The following GRIK4 variants were observed in gnomAD, a reference collection of about 807,000 sequenced individuals.
GRIK4 encodes the protein glutamate ionotropic receptor kainate type subunit 4, also known as glutamate receptor ionotropic, kainate 4.
GRIK4 carries 40 observed loss-of-function variants against 104.9 expected under a neutral mutation model. That is an observed-to-expected ratio of 0.38 (90% confidence interval 0.30 to 0.50). The LOEUF (loss-of-function observed/expected upper bound fraction) is 0.50. GRIK4 is among the 20% of genes least tolerant of loss of function. The pLI is 0.93. For synonymous variants in GRIK4, 485 were observed against 524.9 expected (o/e 0.92, Z 1.04); for missense variants, 1,047 against 1,308.1 (o/e 0.80, Z 3.08).
At chr11:120,634,755 A>G (rs1949376753) in intron 1 of GRIK4, among the ~76,000 whole-genome samples, 2 of 152,136 alleles carry the variant, frequency 1.3e-5, no homozygotes, top group African/African-American at 4.8e-5. Flanking sequence ...GGAGTTCTCA[A>G]GAGACCCTCG....
Position 120,832,048 on chromosome 11 carries a change from T to C in GRIK4, c.690+18T>C, listed in dbSNP as rs1193349010. On this transcript the variant is annotated intron_variant, in intron 7 of 20. Transcript: ENST00000527524. ...TCCTGAAGGTGGGAGCCTCCCTCTCTCCCCCACCCCCTGCTGAGCTCCACC... is the reference window on the plus strand; with the variant it reads ...TCCTGAAGGTGGGAGCCTCCCTCTCCCCCCCACCCCCTGCTGAGCTCCACC... 1 of 1,569,506 alleles carries C rather than the reference T, an allele frequency of 6.4e-7. No homozygotes were observed. The highest frequency in any genetic ancestry group is 1.2e-5 in the South Asian group (1 of 86,942).
chr11:120,619,902 A>T, intron 1 of GRIK4: 3 of 276,098 alleles, frequency 1.1e-5, no homozygotes, highest in African/African-American at 2.2e-5. Context: ...TACTGAAAAG[A>T]GTTAACAGTG....
At chr11:120,516,977 G>A (rs1429840196) in intron 1 of GRIK4, among the ~76,000 whole-genome samples, 5 of 128,690 alleles carry the variant, frequency 3.9e-5, no homozygotes, top group South Asian at 2.5e-4. Context: ...GGCCTGGGGC[G>A]CGTGCTGCCG....
At chr11:120,924,921 G>T (rs1420659551) in intron 13 of GRIK4, among the ~76,000 whole-genome samples, 2 of 152,210 alleles carry the variant, frequency 1.3e-5, no homozygotes, top group African/African-American at 4.8e-5. Context: ...ATGCCCTGCT[G>T]CCCTTTGCAG....
intron 3 of GRIK4, among the ~76,000 whole-genome samples, chr11:120,674,519 A>G (rs945334011): frequency 2.0e-5 from 3 of 152,238 alleles, no homozygotes; most frequent in African/African-American, 7.2e-5. Context: ...AAATCACTGC[A>G]TTGAAGGGCC....
chr11:120,817,858 T>C (rs112416755), intron 5 of GRIK4, among the ~76,000 whole-genome samples: 55 of 152,272 alleles, frequency 3.6e-4, no homozygotes, highest in African/African-American at 1.3e-3. Context: ...CGGGAGCTCC[T>C]ACATTTGGGG....
chr11:120,980,646 G>C (rs1479750689), intron 19 of GRIK4, among the ~76,000 whole-genome samples: 2 of 152,156 alleles, frequency 1.3e-5, no homozygotes, highest in African/African-American at 4.8e-5. Flanking sequence ...CCCCTGGAAG[G>C]TAGAATTGAG....
chr11:120,772,117 A>G (rs1951955168), intron 3 of GRIK4, among the ~76,000 whole-genome samples: 1 of 152,222 alleles, frequency 6.6e-6, no homozygotes, highest in Non-Finnish European at 1.5e-5. Context: ...CCTCTGCCCC[A>G]GTGTGTCTAG....
chr11:120,798,171 T>TC (rs1387375927), intron 3 of GRIK4, among the ~76,000 whole-genome samples: 2 of 142,008 alleles, frequency 1.4e-5, no homozygotes, highest in Admixed American at 1.4e-4. Context: ...TTTTTTTTTT[T>TC]TTTTTTTTTT....
intron 1 of GRIK4, among the ~76,000 whole-genome samples, chr11:120,556,020 G>T (rs1948182269): frequency 6.6e-6 from 1 of 152,176 alleles, no homozygotes; most frequent in Non-Finnish European, 1.5e-5. Context: ...GCATTTTCAG[G>T]AGGTGGCAAG....
chr11:120,809,350 C>T (rs1952780303), intron 4 of GRIK4, among the ~76,000 whole-genome samples: 1 of 152,228 alleles, frequency 6.6e-6, no homozygotes, highest in African/African-American at 2.4e-5. Context: ...GCATCTCCCT[C>T]CCTTCCTGTG....
rs547199127 is a variant in GRIK4, at chr11:120,861,093, CTTTTTTTTTTTTTT to C, written c.745-847_745-834del. 1.2e-3 allele frequency among the ~76,000 whole-genome samples: 101 copies of C among 86,554 alleles called. 1 individual carries two copies. Among genetic ancestry groups the C allele is most frequent in the Middle Eastern group, 0.018 (2 of 110 alleles). The allele number at this position is 86,554 out of a possible 152,430, so 56.8% of individuals were successfully genotyped here. A position where few individuals can be genotyped will look rare whatever the true frequency, so the allele number is the denominator to read the frequency against. ...TTAGGTAGGGTTCAGAAATCATCCTCTTTTTTTTTTTTTTTTTTTTTTTTTTTTTTTTGAGACAG... is the reference window on the plus strand; with the variant it reads ...TTAGGTAGGGTTCAGAAATCATCCTCTTTTTTTTTTTTTTTTTTGAGACAG... On this transcript the variant is annotated intron_variant, in intron 8 of 20. Transcript: ENST00000527524.
intron 13 of GRIK4, chr11:120,935,978 G>T (rs1943588023): frequency 5.0e-6 from 1 of 198,724 alleles, no homozygotes; most frequent in Admixed American, 5.8e-5. Context: ...GTGTATGGGG[G>T]GGTGGGTGTT....
intron 11 of GRIK4, among the ~76,000 whole-genome samples, chr11:120,891,408 A>G (rs1309653381): frequency 6.6e-6 from 1 of 152,262 alleles, no homozygotes; most frequent in African/African-American, 2.4e-5. Context: ...GGATGCAGAA[A>G]GCATGGGTTT....
At chr11:120,733,452 T>G (rs1951172766) in intron 3 of GRIK4, among the ~76,000 whole-genome samples, 1 of 152,162 alleles carries the variant, frequency 6.6e-6, no homozygotes, top group Non-Finnish European at 1.5e-5. Flanking sequence ...TCTGGTGGTG[T>G]GATTTAATTT....
rs780640351 is a variant in GRIK4 at position 120,836,797 on chromosome 11, G to A, written c.697G>A (p.Glu233Lys). 2.5e-6 allele frequency: 4 copies of A among 1,606,732 alleles called. No individual in the cohort carries two copies. Among genetic ancestry groups the A allele is most frequent in the South Asian group, 1.1e-5 (1 of 90,946 alleles). ...MSHTILLKAA[E>K]LGMVSAYYTY... ...CCTTCTCTTCGCCTTGCAGGCAGCC[G>A]AACTTGGGATGGTGTCAGCCTATTA... Residue 233 changes from glutamate to lysine, a missense_variant, in exon 8 of 21, where the codon GAA becomes AAA. By Grantham distance (56) the Glu-to-Lys change is moderately conservative (BLOSUM62 1). Coordinates refer to ENST00000527524, the MANE Select transcript of GRIK4 (RefSeq NM_014619.5).
At chr11:120,723,938 C>G (rs1950979491) in intron 3 of GRIK4, among the ~76,000 whole-genome samples, 2 of 152,102 alleles carry the variant, frequency 1.3e-5, no homozygotes, top group South Asian at 4.2e-4. Context: ...TTGCAGTGCC[C>G]TGGAAACTCC....
intron 1 of GRIK4, among the ~76,000 whole-genome samples, chr11:120,516,129 A>G (rs1947721304): frequency 6.6e-6 from 1 of 152,236 alleles, no homozygotes; most frequent in African/African-American, 2.4e-5. Context: ...AGTCATTTAC[A>G]CAGAGCCCAG....
intron 3 of GRIK4, among the ~76,000 whole-genome samples, chr11:120,683,156 T>C (rs913264325): frequency 7.9e-5 from 12 of 152,136 alleles, no homozygotes; most frequent in Admixed American, 2.6e-4. Context: ...CATGAACCGA[T>C]AGATGAATGA....
Sources: gnomAD v4.1 joint callset for allele counts (sites outside exome capture counted in the v4.1 genomes callset) on GRCh38, gnomAD v4.1.1 for gene constraint, MANE v1.5 for transcripts, NCBI Gene and HGNC (gene_info 2026-07-23, HGNC 2026-07-21) for gene names.